The following CPS1 variants were observed in gnomAD, a reference collection of about 807,000 sequenced individuals.
CPS1 encodes the protein carbamoyl-phosphate synthase [ammonia], mitochondrial.
CPS1 carries 109 observed loss-of-function variants against 174.6 expected under a neutral mutation model. The observed-to-expected ratio is 0.62, with a 90% confidence interval of 0.53 to 0.73. The LOEUF is 0.73. Ranked by LOEUF, CPS1 falls within the 30% of genes least tolerant of loss-of-function variation. CPS1 has a pLI of 0.00. For synonymous variants in CPS1, 637 were observed against 632.0 expected, an observed-to-expected ratio of 1.01 and a Z score of -0.12; for missense variants, 1,689 against 1,821.9, an observed-to-expected ratio of 0.93 and a Z score of 1.33.
chr2:210,628,632 T>A (rs1251731398), intron 21 of CPS1, among the ~76,000 whole-genome samples: 1 of 152,048 alleles, frequency 6.6e-6, no homozygotes, highest in Non-Finnish European at 1.5e-5. Flanking sequence ...AAATACTGTC[T>A]CTACTAAAAA....
chr2:210,668,129 G>GTAATTTAAAATTTGCAAAGAAT, intron 33 of CPS1, 57 bp from the exon 34 acceptor site: 1 of 1,117,870 alleles, frequency 8.9e-7, no homozygotes, highest in Non-Finnish European at 1.3e-6. Flanking sequence ...TTTTTGGTAG[G>GTAATTTAAAATTTGCAAAGAAT]AGTGGTTGAC....
At chr2:210,623,412 G>A (rs1261757849) in intron 21 of CPS1, among the ~76,000 whole-genome samples, 1 of 151,310 alleles carries the variant, frequency 6.6e-6, no homozygotes, top group Non-Finnish European at 1.5e-5. Flanking sequence ...CTAATATTCT[G>A]TAGGTTTCAT....
intron 23 of CPS1, 35 bp downstream of exon 23, chr2:210,639,250 C>A: frequency 6.8e-7 from 1 of 1,466,934 alleles, no homozygotes. Flanking sequence ...CCAGAAAGCT[C>A]TAGATTTCAT....
At chr2:210,656,760 G>T (rs1385675566) in intron 30 of CPS1, 128 bp downstream of exon 30, 4 of 717,114 alleles carry the variant, frequency 5.6e-6, no homozygotes, top group Non-Finnish European at 9.9e-6. Flanking sequence ...TAATGATGAG[G>T]CTAACTTCCT....
chr2:210,637,944 G>A (rs1053771746), intron 22 of CPS1, 101 bp downstream of exon 22: 2 of 1,318,020 alleles, frequency 1.5e-6, no homozygotes, highest in African/African-American at 2.9e-5. Flanking sequence ...AAGAGGAGTG[G>A]AATTAAGAAG....
intron 4 of CPS1, among the ~76,000 whole-genome samples, chr2:210,579,160 G>A (rs1697821145): frequency 6.6e-6 from 1 of 151,984 alleles, no homozygotes; most frequent in Non-Finnish European, 1.5e-5. Context: ...AGCCTCCCGT[G>A]GGATAGAACC....
At chr2:210,579,859 T>A in intron 5 of CPS1, 89 bp downstream of exon 5, 4 of 1,036,886 alleles carry the variant, frequency 3.9e-6, no homozygotes, top group Non-Finnish European at 6.0e-6. Flanking sequence ...GCCTAAGGGA[T>A]CCATTAATAT....
In CPS1 at chr2:210,590,114, T is replaced by C; in HGVS notation, c.720T>C (p.Ala240=). 1 of 1,612,812 alleles carries C rather than the reference T, an allele frequency of 6.2e-7. No individual in the cohort carries two copies. Among genetic ancestry groups the C allele is most frequent in the Non-Finnish European group, 8.5e-7 (1 of 1,179,104 alleles). ...NVIRLLVKRG[A]EVHLVPWNHD... Reference sequence around the variant, plus strand: ...TTGTGTCTCTTTTCCAGCGAGGAGCTGAAGTGCACTTAGTTCCCTGGAACC... The same window carrying C: ...TTGTGTCTCTTTTCCAGCGAGGAGCCGAAGTGCACTTAGTTCCCTGGAACC... Residue 240 remains alanine (A), a synonymous_variant, in exon 8 of 38, where the codon GCT becomes GCC. Coordinates refer to ENST00000233072, the MANE Select transcript of CPS1 (RefSeq NM_001875.5).
At position 210,637,551 on chromosome 2, in the gene CPS1, T is replaced by C. The variant is rs1700075345; in HGVS notation, c.2688-151T>C. The C allele has an allele frequency of 6.3e-6, 5 of 791,164 alleles. No homozygotes were observed. The Admixed American group carries it at 1.2e-4, about 19-fold the overall frequency. 49.0% of individuals were successfully genotyped at this position (791,164 alleles called of 1,614,324 possible). ...ATAGAGGCTAGAAGATTGAGTGGGTTAGTTATTTGTGTATTTTTAAAAGAT... is the reference window on the plus strand; with the variant it reads ...ATAGAGGCTAGAAGATTGAGTGGGTCAGTTATTTGTGTATTTTTAAAAGAT... On this transcript the variant is annotated intron_variant, in intron 21 of 37. Coordinates refer to ENST00000233072, the MANE Select transcript of CPS1 (RefSeq NM_001875.5).
rs1701172255 is a variant in CPS1, at chr2:210,668,277, G to A, written c.4094G>A (p.Gly1365Asp). Residue 1365 changes from glycine (G) to aspartate (D), a missense_variant, in exon 34 of 38, where the codon GGC (glycine) becomes GAC (aspartate). Physicochemically the swap from Gly to Asp is moderately conservative, Grantham distance 94. Transcript: ENST00000233072. Reference protein sequence around the residue: ...FKIPQKGILIGIQQSFRPRFL... With the variant: ...FKIPQKGILIDIQQSFRPRFL... Reference sequence around the variant, plus strand: ...ATACCCCAGAAAGGCATCCTGATAGGCATCCAGGTAAGTGGTTTGTGGCTG... The same window carrying A: ...ATACCCCAGAAAGGCATCCTGATAGACATCCAGGTAAGTGGTTTGTGGCTG... 6.2e-7 allele frequency: 1 copy of A among 1,611,760 alleles called. No homozygotes were observed. Among genetic ancestry groups the A allele is most frequent in the South Asian group, 1.1e-5 (1 of 91,038 alleles).
intron 21 of CPS1, among the ~76,000 whole-genome samples, chr2:210,617,363 C>CA (rs1699346376): frequency 6.6e-6 from 1 of 151,920 alleles, no homozygotes; most frequent in Non-Finnish European, 1.5e-5. Context: ...GTCTTACCTG[C>CA]AAACTAGGGA....
chr2:210,589,350 G>A (rs1357547769), intron 7 of CPS1, among the ~76,000 whole-genome samples: 2 of 151,934 alleles, frequency 1.3e-5, no homozygotes, highest in East Asian at 3.9e-4. Context: ...CTTCCTATGT[G>A]CTTTTATATT....
intron 1 of CPS1, among the ~76,000 whole-genome samples, chr2:210,538,223 TA>T (rs1405471861): frequency 1.3e-5 from 2 of 152,172 alleles, no homozygotes; most frequent in Non-Finnish European, 2.9e-5. Flanking sequence ...CTTCAAGTTT[TA>T]AAAGCCATTA....
chr2:210,634,298 C>A (rs147973767), intron 21 of CPS1, among the ~76,000 whole-genome samples: 1 of 152,118 alleles, frequency 6.6e-6, no homozygotes, highest in Non-Finnish European at 1.5e-5. Flanking sequence ...GGCGTGATGG[C>A]GGACACCTGT....
At chr2:210,594,953 T>G (rs965324200) in intron 12 of CPS1, among the ~76,000 whole-genome samples, 1 of 151,950 alleles carries the variant, frequency 6.6e-6, no homozygotes, top group Non-Finnish European at 1.5e-5. Flanking sequence ...AGAATCATTA[T>G]AGATGATAGA....
At chr2:210,572,120 C>T (rs1697519989) in intron 1 of CPS1, among the ~76,000 whole-genome samples, 1 of 151,828 alleles carries the variant, frequency 6.6e-6, no homozygotes, top group African/African-American at 2.4e-5. Context: ...TCTCTATATG[C>T]CTGTCTATCC....
rs532518957 is a variant in CPS1, at chr2:210,597,262, C to T, written c.1359+1680C>T. 2.0e-5 allele frequency among the ~76,000 whole-genome samples: 3 copies of T among 151,832 alleles called. No homozygotes were observed. The East Asian group carries it at 5.9e-4, about 30-fold the overall frequency. On this transcript the variant is annotated intron_variant, in intron 13 of 37. Coordinates refer to ENST00000233072, the MANE Select transcript of CPS1 (RefSeq NM_001875.5). ...CATTTGCTTACCTGTTTGTATCTTC[C>T]TGACATTTTGTTAATAATATTACTC...
At chr2:210,538,596 CATAATTAAAA>C (rs1696320414) in intron 1 of CPS1, among the ~76,000 whole-genome samples, 1 of 151,986 alleles carries the variant, frequency 6.6e-6, no homozygotes, top group Non-Finnish European at 1.5e-5. Context: ...ATTACTATTG[CATAATTAAAA>C]ATCAGCCCTT....
chr2:210,566,193 C>A (rs1317368513), intron 1 of CPS1, among the ~76,000 whole-genome samples: 2 of 152,120 alleles, frequency 1.3e-5, no homozygotes, highest in Non-Finnish European at 2.9e-5. Flanking sequence ...CTCCTCACAG[C>A]AGGGCAGCAA....
Sources: allele counts gnomAD v4.1 joint callset (sites outside exome capture counted in the v4.1 genomes callset), GRCh38; gene constraint gnomAD v4.1.1; transcripts MANE v1.5; gene names NCBI Gene and HGNC (gene_info 2026-07-23, HGNC 2026-07-21).